GRIN3A: variants seen among roughly 807,000 people sequenced by gnomAD.
GRIN3A encodes the protein glutamate ionotropic receptor NMDA type subunit 3A.
In GRIN3A, 47 loss-of-function variants were observed where a neutral mutation model predicts 92.4. That is an observed-to-expected ratio of 0.51 (90% CI 0.40 to 0.65). The LOEUF (loss-of-function observed/expected upper bound fraction) is 0.65, where lower values mean the gene tolerates loss of function less well. GRIN3A is among the 30% of genes least tolerant of loss of function. GRIN3A has a pLI of 0.00. For missense variants in GRIN3A, 1,324 were observed against 1,393.1 expected (o/e 0.95, Z 0.79); for synonymous variants, 527 against 540.6 (o/e 0.97, Z 0.35).
Position 101,670,974 on chromosome 9 carries a change from G to C in GRIN3A, c.1438C>G (p.Arg480Gly), listed in dbSNP as rs149729514. 7.1e-4 allele frequency: 1,151 copies of C among 1,613,982 alleles called. 12 individuals carry two copies. In the East Asian group the frequency reaches 0.022, roughly 31 times the overall value. The change falls in exon 3 of 9, where the codon CGC becomes GGC. Residue 480 changes from arginine to glycine, a missense_variant. Physicochemically the swap from Arg to Gly is moderately radical, Grantham distance 125. Coordinates refer to ENST00000361820, the MANE Select transcript of GRIN3A (RefSeq NM_133445.3). ...HDPMGKPMWT[R>G]LGSWQGGKIV... ...TTTCCCCCCTGCCAGCTGCCCAAGCGGGTCCACATTGGCTTTCCCATGGGG... is the reference window on the plus strand; with the variant it reads ...TTTCCCCCCTGCCAGCTGCCCAAGCCGGTCCACATTGGCTTTCCCATGGGG...
intron 1 of GRIN3A, among the ~76,000 whole-genome samples, chr9:101,720,354 C>G (rs372485110): frequency 6.6e-6 from 1 of 152,196 alleles, no homozygotes; most frequent in Non-Finnish European, 1.5e-5. Flanking sequence ...ACAGTAGGCT[C>G]TCAATAAAAA....
intron 6 of GRIN3A, chr9:101,594,406 G>A (rs1249676750): frequency 6.3e-7 from 1 of 1,592,932 alleles, no homozygotes; most frequent in Admixed American, 1.7e-5. Context: ...GTAAGAAAAA[G>A]GCTCATACGA....
intron 3 of GRIN3A, among the ~76,000 whole-genome samples, chr9:101,661,016 C>T (rs1829165055): frequency 6.6e-6 from 1 of 151,810 alleles, no homozygotes; most frequent in African/African-American, 2.4e-5. Context: ...GATTGCATGA[C>T]AATTACAGAT....
At chr9:101,671,916 G>T (rs748206460) in intron 2 of GRIN3A, among the ~76,000 whole-genome samples, 2 of 152,128 alleles carry the variant, frequency 1.3e-5, no homozygotes, top group African/African-American at 2.4e-5. Flanking sequence ...CTGTGAACTA[G>T]GGCACTTACA....
chr9:101,577,724 T>A, intron 8 of GRIN3A, 44 bp downstream of exon 8: 7 of 1,345,224 alleles, frequency 5.2e-6, no homozygotes, highest in Non-Finnish European at 7.5e-6. Flanking sequence ...TCTCTAAAGA[T>A]TATTTTACAA....
At chr9:101,585,040 T>A (rs1218017169) in intron 6 of GRIN3A, among the ~76,000 whole-genome samples, 1 of 152,190 alleles carries the variant, frequency 6.6e-6, no homozygotes, top group Admixed American at 6.5e-5. Flanking sequence ...CTATACTCAT[T>A]GCTTCTAATT....
chr9:101,701,786 T>C (rs1259138951), intron 1 of GRIN3A, among the ~76,000 whole-genome samples: 19 of 152,148 alleles, frequency 1.2e-4, no homozygotes, highest in Admixed American at 1.2e-3. Context: ...GAGAAAATTT[T>C]TGCAAACTTT....
At chr9:101,689,528 CT>C (rs1020466213) in intron 1 of GRIN3A, among the ~76,000 whole-genome samples, 3 of 152,116 alleles carry the variant, frequency 2.0e-5, no homozygotes, top group African/African-American at 7.2e-5. Flanking sequence ...ACACTCACCC[CT>C]ACAAACAATT....
At chr9:101,711,334 A>C (rs1338969431) in intron 1 of GRIN3A, among the ~76,000 whole-genome samples, 1 of 152,194 alleles carries the variant, frequency 6.6e-6, no homozygotes, top group Non-Finnish European at 1.5e-5. Context: ...GGGATGATTC[A>C]CACATCCCGA....
intron 1 of GRIN3A, among the ~76,000 whole-genome samples, chr9:101,695,474 T>C (rs1396172837): frequency 2.0e-5 from 3 of 152,116 alleles, no homozygotes; most frequent in Non-Finnish European, 4.4e-5. Flanking sequence ...TTTTTGAGTT[T>C]TAGATTTGAG....
At chr9:101,653,806 A>G (rs1251546514) in intron 3 of GRIN3A, among the ~76,000 whole-genome samples, 2 of 151,836 alleles carry the variant, frequency 1.3e-5, no homozygotes, top group African/African-American at 4.8e-5. Context: ...ATGATTGATA[A>G]TTTATATTTA....
chr9:101,617,394 G>A (rs1828475141), intron 5 of GRIN3A, among the ~76,000 whole-genome samples: 1 of 151,910 alleles, frequency 6.6e-6, no homozygotes, highest in South Asian at 2.1e-4. Context: ...TCTAAGAATA[G>A]AATTTTGGCA....
intron 2 of GRIN3A, among the ~76,000 whole-genome samples, chr9:101,675,194 A>T (rs1209976329): frequency 6.6e-6 from 1 of 152,106 alleles, no homozygotes; most frequent in Admixed American, 6.6e-5. Context: ...AAACCTCCCA[A>T]GATACCATTC....
At chr9:101,678,328 T>C (rs1829425069) in intron 2 of GRIN3A, among the ~76,000 whole-genome samples, 1 of 152,144 alleles carries the variant, frequency 6.6e-6, no homozygotes, top group Non-Finnish European at 1.5e-5. Flanking sequence ...TCCTCCTGAA[T>C]AATGGAGAGT....
At chr9:101,672,316 G>T (rs991508215) in intron 2 of GRIN3A, among the ~76,000 whole-genome samples, 1 of 152,136 alleles carries the variant, frequency 6.6e-6, no homozygotes, top group Non-Finnish European at 1.5e-5. Flanking sequence ...TTCCAGATAT[G>T]GTAACTCTGA....
chr9:101,597,859 T>G (rs1828159092), intron 6 of GRIN3A, among the ~76,000 whole-genome samples: 1 of 152,228 alleles, frequency 6.6e-6, no homozygotes, highest in Non-Finnish European at 1.5e-5. Flanking sequence ...CATTCTGGGT[T>G]TGCAATATGA....
Position 101,670,644 on chromosome 9 carries a change from C to A in GRIN3A, c.1768G>T (p.Asp590Tyr). The A allele has an allele frequency of 6.2e-7, 1 of 1,613,992 alleles. No individual in the cohort carries two copies. The highest frequency in any genetic ancestry group is 8.5e-7 in the Non-Finnish European group (1 of 1,179,922). ...TAGAGGTCGAAGTCAAAGTTCATGT[C>A]TTCTGCTATCTTTTCCAGCAGATCA... ...CIDLLEKIAE[D>Y]MNFDFDLYIV... The change falls in exon 3 of 9, where the codon GAC (aspartate) becomes TAC (tyrosine). Residue 590 changes from aspartate (D) to tyrosine (Y), a missense_variant. Transcript: ENST00000361820.
chr9:101,667,242 A>G (rs566203976), intron 3 of GRIN3A, among the ~76,000 whole-genome samples: 2 of 152,012 alleles, frequency 1.3e-5, no homozygotes, highest in East Asian at 2.0e-4. Flanking sequence ...GAGGTAATAC[A>G]TTATATTACA....
intron 6 of GRIN3A, among the ~76,000 whole-genome samples, chr9:101,580,316 A>G (rs1827872396): frequency 6.6e-6 from 1 of 152,164 alleles, no homozygotes; most frequent in Non-Finnish European, 1.5e-5. Context: ...TATGAAGCTC[A>G]TGATTCTTCA....
Sources: allele counts gnomAD v4.1 joint callset (sites outside exome capture counted in the v4.1 genomes callset), GRCh38; gene constraint gnomAD v4.1.1; transcripts MANE v1.5; gene names NCBI Gene and HGNC (gene_info 2026-07-23, HGNC 2026-07-21).